ADARB1: variants seen among roughly 807,000 people sequenced by gnomAD.
The protein encoded by ADARB1 is double-stranded RNA-specific editase 1.
In ADARB1, 10 loss-of-function variants were observed where a neutral mutation model predicts 52.4. That is an observed-to-expected ratio of 0.19 (90% CI 0.12 to 0.32). The LOEUF (loss-of-function observed/expected upper bound fraction) is 0.32. Ranked by LOEUF, ADARB1 falls within the 10% of genes least tolerant of loss-of-function variation. The probability of loss-of-function intolerance (pLI) is 1.00; values close to 1 mark genes in which losing one functional copy is unlikely to be tolerated. For synonymous variants in ADARB1, 349 were observed against 371.1 expected (o/e 0.94, Z 0.68); for missense variants, 643 against 922.3 (o/e 0.70, Z 3.92).
chr21:45,192,273 G>A lies in ADARB1; in HGVS notation c.1565+7182G>A, dbSNP rs114921323. Among the ~76,000 whole-genome samples the A allele has an allele frequency of 4.9e-3, 746 of 152,158 alleles. 3 individuals carry two copies. The highest frequency in any genetic ancestry group is 0.017 in the African/African-American group (711 of 41,508). ...GTTATGGTTTCAAAGAGAAGGTATGGGAAGGAGTAACCAAATAAGGTGGAC... is the reference window on the plus strand; with the variant it reads ...GTTATGGTTTCAAAGAGAAGGTATGAGAAGGAGTAACCAAATAAGGTGGAC... On this transcript the variant is annotated intron_variant, in intron 8 of 10. Coordinates refer to ENST00000348831, the MANE Select transcript of ADARB1 (RefSeq NM_001112.4).
chr21:45,131,125 A>AAT (rs1274032060), intron 2 of ADARB1, among the ~76,000 whole-genome samples: 1 of 152,248 alleles, frequency 6.6e-6, no homozygotes, highest in African/African-American at 2.4e-5. Context: ...GCTGAAATGT[A>AAT]ATATAAAGAG....
chr21:45,093,559 T>TA (rs2086641947), intron 1 of ADARB1, among the ~76,000 whole-genome samples: 1 of 152,238 alleles, frequency 6.6e-6, no homozygotes, highest in Admixed American at 6.5e-5. Flanking sequence ...AACTAGGTCT[T>TA]ACCCTGTTTG....
chr21:45,121,863 T>C (rs2088211535), intron 1 of ADARB1, among the ~76,000 whole-genome samples: 1 of 152,262 alleles, frequency 6.6e-6, no homozygotes, highest in African/African-American at 2.4e-5. Flanking sequence ...GTTTGACTTT[T>C]CCAGCATGTT....
In ADARB1 at chr21:45,222,220, T is replaced by C. The variant is rs1190647121; in HGVS notation, c.*23T>C. 6.5e-7 allele frequency: 1 copy of C among 1,532,616 alleles called. No homozygotes were observed. Among genetic ancestry groups the C allele is most frequent in the African/African-American group, 1.4e-5 (1 of 71,710 alleles). 94.9% of individuals were successfully genotyped at this position (1,532,616 alleles called of 1,614,324 possible). On this transcript the variant is annotated 3_prime_UTR_variant, in exon 11 of 11. Coordinates refer to ENST00000348831, the MANE Select transcript of ADARB1 (RefSeq NM_001112.4). Reference sequence around the variant, plus strand: ...TGACCCGGGCAGACATGATGGGGGGTGCAGGGGGCTGTGGGCATCCAGCGT... The same window carrying C: ...TGACCCGGGCAGACATGATGGGGGGCGCAGGGGGCTGTGGGCATCCAGCGT...
At chr21:45,180,549 T>C (rs1471043769) in intron 5 of ADARB1, 105 bp downstream of exon 5, 4 of 915,144 alleles carry the variant, frequency 4.4e-6, no homozygotes, top group Non-Finnish European at 7.0e-6. Context: ...CGGGAGATGG[T>C]TACTTCTTTT....
At chr21:45,199,479 C>T (rs1263713683) in intron 8 of ADARB1, among the ~76,000 whole-genome samples, 11 of 152,166 alleles carry the variant, frequency 7.2e-5, no homozygotes, top group Non-Finnish European at 1.3e-4. Flanking sequence ...CTGTGCTAGA[C>T]GTGGTGCTCG....
chr21:45,105,371 G>T (rs185163776), intron 1 of ADARB1, among the ~76,000 whole-genome samples: 11 of 152,206 alleles, frequency 7.2e-5, no homozygotes, highest in Middle Eastern at 3.4e-3. Context: ...TAAAGTGCTG[G>T]GATTATAGGC....
intron 1 of ADARB1, among the ~76,000 whole-genome samples, chr21:45,124,508 GT>G (rs561075606): frequency 3.1e-4 from 47 of 152,128 alleles, no homozygotes; most frequent in South Asian, 2.7e-3. Context: ...CTGAGTAGCT[GT>G]GACTACAGGT....
At chr21:45,095,426 G>GT (rs986067742) in intron 1 of ADARB1, among the ~76,000 whole-genome samples, 20 of 152,236 alleles carry the variant, frequency 1.3e-4, no homozygotes, top group Non-Finnish European at 2.2e-4. Context: ...TCAACCCAGT[G>GT]TTTTTTCTCT....
chr21:45,144,374 A>G (rs1238802138), intron 2 of ADARB1, among the ~76,000 whole-genome samples: 1 of 152,244 alleles, frequency 6.6e-6, no homozygotes, highest in African/African-American at 2.4e-5. Context: ...TAAATGGTGT[A>G]TGGCTATTTG....
At position 45,157,296 on chromosome 21, in the gene ADARB1, G is replaced by A. The variant is rs561769703; in HGVS notation, c.-47-14314G>A. Among the ~76,000 whole-genome samples the A allele has an allele frequency of 2.6e-5, 4 of 152,336 alleles. No individual in the cohort carries two copies. In the South Asian group the frequency reaches 8.3e-4, roughly 32 times the overall value. ...TTGGATCCAAAGCAGATTGAACAGTGCCAATTCTTAGTGCAGTTATAAGTG... is the reference window on the plus strand; with the variant it reads ...TTGGATCCAAAGCAGATTGAACAGTACCAATTCTTAGTGCAGTTATAAGTG... On this transcript the variant is annotated intron_variant, in intron 2 of 10. Transcript: ENST00000348831. The surrounding 1 kb of genome is among the most constrained non-coding windows in gnomAD (Gnocchi z 4.1).
At chr21:45,150,022 G>C (rs776503711) in intron 2 of ADARB1, among the ~76,000 whole-genome samples, 27 of 152,228 alleles carry the variant, frequency 1.8e-4, no homozygotes, top group Non-Finnish European at 2.8e-4. Context: ...GGTGGCTCAC[G>C]CCTGTAGTCC....
At position 45,125,485 on chromosome 21, in the gene ADARB1, A is replaced by C. The variant is rs553346169; in HGVS notation, c.-219-2917A>C. ...GCATCTGAGTTGGCTCCCCAGAGAC[A>C]GTGTTCCCAGAAATAGGAGGTGGAA... is the stretch of plus-strand genomic sequence containing the variant. On this transcript the variant is annotated intron_variant, in intron 1 of 10. Transcript: ENST00000348831. Among the ~76,000 whole-genome samples the C allele has an allele frequency of 2.0e-5, 3 of 152,362 alleles. No individual in the cohort carries two copies. The East Asian group carries it at 5.8e-4, about 29-fold the overall frequency.
At position 45,183,493 on chromosome 21, in the gene ADARB1, A is replaced by G; in HGVS notation, c.1379A>G (p.His460Arg). 2.5e-6 allele frequency: 4 copies of G among 1,611,998 alleles called. No individual in the cohort carries two copies. Among genetic ancestry groups the G allele is most frequent in the Non-Finnish European group, 3.4e-6 (4 of 1,179,504 alleles). ...GGAGATGCCAGAATCTTCTCACCAC[A>G]TGAGCCAATCCTGGAAGGTATGAGA... is the stretch of plus-strand genomic sequence containing the variant. ...PCGDARIFSP[H>R]EPILEEPADR... The change falls in exon 7 of 11, where the codon CAT (histidine) becomes CGT (arginine). Residue 460 changes from histidine (H) to arginine (R), a missense_variant. Transcript: ENST00000348831.
rs111557482 is a variant in ADARB1 at position 45,164,092 on chromosome 21, A to G, written c.-47-7518A>G. Reference sequence around the variant, plus strand: ...AGTTCATGCTTTTTCCTTCTGGTGAAGACCAACACATGGCCCTGTTTTAAA... The same window carrying G: ...AGTTCATGCTTTTTCCTTCTGGTGAGGACCAACACATGGCCCTGTTTTAAA... On this transcript the variant is annotated intron_variant, in intron 2 of 10. Transcript: ENST00000348831. Among the ~76,000 whole-genome samples the G allele has an allele frequency of 3.2e-3, 494 of 152,344 alleles. 1 individual carries two copies. Among genetic ancestry groups the G allele is most frequent in the African/African-American group, 0.011 (465 of 41,580 alleles).
chr21:45,174,717 ACATACATAC>A (rs1420502003), intron 3 of ADARB1, among the ~76,000 whole-genome samples: 2 of 151,986 alleles, frequency 1.3e-5, no homozygotes, highest in African/African-American at 4.8e-5. Context: ...ATACATACAT[ACATACATAC>A]ATGTATAAAT....
chr21:45,101,772 TC>T (rs1198317517), intron 1 of ADARB1, among the ~76,000 whole-genome samples: 1 of 152,260 alleles, frequency 6.6e-6, no homozygotes, highest in Non-Finnish European at 1.5e-5. Flanking sequence ...AGCACACCAG[TC>T]TTGCTGACTA....
Position 45,077,621 on chromosome 21 carries a change from C to T in ADARB1, c.-220+2828C>T, listed in dbSNP as rs12482553. On this transcript the variant is annotated intron_variant, in intron 1 of 10. Transcript: ENST00000348831. ...GGCGGAGCTTGCAATGAGCTGAGAC[C>T]GTGCCATTGCACTCCAGCCTGGGCA... Among the ~76,000 whole-genome samples the T allele has an allele frequency of 3.1e-3, 476 of 151,516 alleles. 4 individuals are homozygous for T. Among genetic ancestry groups the T allele is most frequent in the Middle Eastern group, 0.014 (4 of 292 alleles).
At chr21:45,097,903 C>G (rs1016817375) in intron 1 of ADARB1, among the ~76,000 whole-genome samples, 1 of 152,166 alleles carries the variant, frequency 6.6e-6, no homozygotes, top group Non-Finnish European at 1.5e-5. Context: ...CCCTGCTCCC[C>G]ACTGATGTCA....
Sources: allele counts gnomAD v4.1 joint callset (sites outside exome capture counted in the v4.1 genomes callset), GRCh38; gene constraint gnomAD v4.1.1; non-coding constraint Gnocchi (gnomAD v3.1); transcripts MANE v1.5; gene names NCBI Gene and HGNC (gene_info 2026-07-23, HGNC 2026-07-21).